Variants in SRGAP1 observed in about 807,000 individuals in gnomAD.
The protein encoded by SRGAP1 is SLIT-ROBO Rho GTPase-activating protein 1.
In SRGAP1, 43 loss-of-function variants were observed where a neutral mutation model predicts 121.9. The observed-to-expected ratio is 0.35, with a 90% confidence interval of 0.28 to 0.46. The LOEUF (loss-of-function observed/expected upper bound fraction) is 0.46, where lower values mean the gene tolerates loss of function less well. Ranked by LOEUF, SRGAP1 falls within the 20% of genes least tolerant of loss-of-function variation. The probability of loss-of-function intolerance (pLI) is 1.00; values close to 1 mark genes in which losing one functional copy is unlikely to be tolerated. For missense variants in SRGAP1, 1,102 were observed against 1,350.9 expected, an observed-to-expected ratio of 0.82 and a Z score of 2.89; for synonymous variants, 447 against 485.4, an observed-to-expected ratio of 0.92 and a Z score of 1.04.
intron 1 of SRGAP1, among the ~76,000 whole-genome samples, chr12:63,847,978 T>G (rs906233448): frequency 4.6e-5 from 7 of 151,072 alleles, no homozygotes; most frequent in Non-Finnish European, 1.0e-4. Context: ...ACTTCAGATA[T>G]GGAATTTTTT....
intron 1 of SRGAP1, among the ~76,000 whole-genome samples, chr12:63,897,592 ATTC>A (rs1476648942): frequency 1.3e-5 from 2 of 152,208 alleles, no homozygotes; most frequent in East Asian, 3.8e-4. Flanking sequence ...GCTCTCAAGA[ATTC>A]TTTTGGTAAC....
At chr12:63,900,658 C>A (rs978783259) in intron 1 of SRGAP1, among the ~76,000 whole-genome samples, 1 of 151,180 alleles carries the variant, frequency 6.6e-6, no homozygotes, top group Non-Finnish European at 1.5e-5. Context: ...ACTAAAAACA[C>A]AAAAAATTAG....
At chr12:63,990,310 G>T (rs920963209) in intron 3 of SRGAP1, among the ~76,000 whole-genome samples, 4 of 152,100 alleles carry the variant, frequency 2.6e-5, no homozygotes, top group African/African-American at 9.7e-5. Flanking sequence ...GAGGCGGGTG[G>T]ATCACGAGGC....
intron 3 of SRGAP1, among the ~76,000 whole-genome samples, chr12:64,003,364 G>C (rs962473967): frequency 2.6e-5 from 4 of 151,696 alleles, no homozygotes; most frequent in African/African-American, 9.7e-5. Context: ...TGGGATTACA[G>C]GCTTGAGCCA....
chr12:64,128,234 G>A, intron 21 of SRGAP1, 34 bp downstream of exon 21: 1 of 1,546,160 alleles, frequency 6.5e-7, no homozygotes, highest in Non-Finnish European at 8.8e-7. Context: ...TGCATTTTAA[G>A]TACCTAAGTG....
In SRGAP1 at chr12:64,097,388, T is replaced by C. The variant is rs750578292; in HGVS notation, c.1813+13T>C. ...ATTTCTTGTATCAGTAAGTGGACATTTTTTTCATCTTTTCCCACAAGAATT... is the reference window on the plus strand; with the variant it reads ...ATTTCTTGTATCAGTAAGTGGACATCTTTTTCATCTTTTCCCACAAGAATT... On this transcript the variant is annotated intron_variant, in intron 15 of 21. Transcript: ENST00000355086. 6 of 1,604,004 alleles carry C rather than the reference T, an allele frequency of 3.7e-6. No individual in the cohort carries two copies. Among genetic ancestry groups the C allele is most frequent in the Non-Finnish European group, 2.5e-6 (3 of 1,177,456 alleles).
At chr12:64,039,627 A>ATGTGTGTGTGTGTGTGTG (rs1565652059) in intron 4 of SRGAP1, among the ~76,000 whole-genome samples, 42 of 38,376 alleles carry the variant, frequency 1.1e-3, no homozygotes, top group African/African-American at 3.2e-3. Flanking sequence ...CAGCTGAGCA[A>ATGTGTGTGTGTGTGTGTG]CGTGTGTGTG....
chr12:64,022,278 A>T (rs2034566286), intron 4 of SRGAP1, among the ~76,000 whole-genome samples: 1 of 152,152 alleles, frequency 6.6e-6, no homozygotes, highest in Admixed American at 6.5e-5. Context: ...CAGGAGGGTT[A>T]ATGGTATAGT....
intron 4 of SRGAP1, among the ~76,000 whole-genome samples, chr12:64,024,928 G>A (rs906142368): frequency 3.3e-5 from 5 of 152,120 alleles, no homozygotes; most frequent in African/African-American, 9.7e-5. Context: ...CTCTTGACAC[G>A]TGGGGATTAC....
At chr12:63,993,720 A>C (rs936098673) in intron 3 of SRGAP1, among the ~76,000 whole-genome samples, 1 of 152,180 alleles carries the variant, frequency 6.6e-6, no homozygotes, top group Non-Finnish European at 1.5e-5. Context: ...TTCTGTCTAA[A>C]TGGATATAAT....
At chr12:64,009,286 G>A (rs1355123955) in intron 3 of SRGAP1, among the ~76,000 whole-genome samples, 3 of 152,106 alleles carry the variant, frequency 2.0e-5, no homozygotes, top group African/African-American at 7.2e-5. Flanking sequence ...GAATTTATAT[G>A]TAACTGGTTA....
chr12:63,888,158 A>G (rs1218016805), intron 1 of SRGAP1: 1 of 152,172 alleles, frequency 6.6e-6, no homozygotes, highest in Non-Finnish European at 1.5e-5. Context: ...GCTCATCCAC[A>G]TGGTCTCTGT....
chr12:64,129,850 AAAG>A (rs1286866315), intron 21 of SRGAP1, among the ~76,000 whole-genome samples: 1 of 152,260 alleles, frequency 6.6e-6, no homozygotes, highest in African/African-American at 2.4e-5. Flanking sequence ...GTTTTTAACG[AAAG>A]AAGGAAATAC....
In SRGAP1 at chr12:64,063,015, C is replaced by G. The variant is rs1253513830; in HGVS notation, c.900C>G (p.Asp300Glu). Reference sequence around the variant, plus strand: ...AAACCTCCAGACATGAGGGCTTAGACATTATTGAGAATGCAGTTGATAATT... The same window carrying G: ...AAACCTCCAGACATGAGGGCTTAGAGATTATTGAGAATGCAGTTGATAATT... Reference protein sequence around the residue: ...NLETSRHEGLDIIENAVDNLE... With the variant: ...NLETSRHEGLEIIENAVDNLE... The change falls in exon 7 of 22, where the codon GAC becomes GAG. Residue 300 changes from aspartate to glutamate, a missense_variant. Physicochemically the swap from Asp to Glu is conservative, Grantham distance 45. Coordinates refer to ENST00000355086, the MANE Select transcript of SRGAP1 (RefSeq NM_020762.4). The G allele has an allele frequency of 1.2e-6, 2 of 1,613,872 alleles. No individual in the cohort carries two copies. The highest frequency in any genetic ancestry group is 4.5e-5 in the East Asian group (2 of 44,856).
rs2037001237 is a variant in SRGAP1 at position 64,143,484 on chromosome 12, C to T, written c.*812C>T. On this transcript the variant is annotated 3_prime_UTR_variant, in exon 22 of 22. Coordinates refer to ENST00000355086, the MANE Select transcript of SRGAP1 (RefSeq NM_020762.4). The stretch of plus-strand genomic sequence containing the variant: ...TAAAGACTTTCTGGTTACACTACTC[C>T]ACGAACTCCTCCAAAGATCCGTTAT... The T allele has an allele frequency of 1.3e-5, 2 of 152,294 alleles. No individual in the cohort carries two copies. Among genetic ancestry groups the T allele is most frequent in the South Asian group, 4.1e-4 (2 of 4,820 alleles). 9.4% of individuals were successfully genotyped at this position (152,294 alleles called of 1,614,324 possible). A position where few individuals can be genotyped will look rare whatever the true frequency, so the allele number is the denominator to read the frequency against.
intron 7 of SRGAP1, among the ~76,000 whole-genome samples, chr12:64,064,638 CTG>C (rs2035505993): frequency 6.6e-6 from 1 of 152,182 alleles, no homozygotes; most frequent in Non-Finnish European, 1.5e-5. Flanking sequence ...GATTAGGAAA[CTG>C]AGGTTTTGTA....
At chr12:63,980,591 T>A (rs970098151) in intron 1 of SRGAP1, among the ~76,000 whole-genome samples, 1 of 151,420 alleles carries the variant, frequency 6.6e-6, no homozygotes, top group Non-Finnish European at 1.5e-5. Context: ...CCTAACGAGA[T>A]GTTTCTTTTT....
At position 63,968,299 on chromosome 12, in the gene SRGAP1, C is replaced by G. The variant is rs143316244; in HGVS notation, c.68-15648C>G. On this transcript the variant is annotated intron_variant, in intron 1 of 21. Transcript: ENST00000355086. ...TGGCACAAGAATATGCTTTGTTTGG[C>G]TGTACAGTATTTTGTTTTAATTAGT... Among the ~76,000 whole-genome samples the G allele has an allele frequency of 5.2e-3, 795 of 152,260 alleles. 6 individuals carry two copies. The highest frequency in any genetic ancestry group is 0.018 in the African/African-American group (730 of 41,530).
intron 1 of SRGAP1, among the ~76,000 whole-genome samples, chr12:63,978,704 C>G (rs2033161543): frequency 6.6e-6 from 1 of 152,124 alleles, no homozygotes; most frequent in African/African-American, 2.4e-5. Context: ...ATTTTCATTT[C>G]TCTGGAATGT....
Sources: allele counts gnomAD v4.1 joint callset (sites outside exome capture counted in the v4.1 genomes callset), GRCh38; gene constraint gnomAD v4.1.1; transcripts MANE v1.5; gene names NCBI Gene and HGNC (gene_info 2026-07-23, HGNC 2026-07-21).